MARCHF1: variants seen among roughly 807,000 people sequenced by gnomAD.
The protein encoded by MARCHF1 is membrane associated ring-CH-type finger 1, also known as E3 ubiquitin-protein ligase MARCHF1.
MARCHF1 carries 40 observed loss-of-function variants against 54.2 expected under a neutral mutation model. The ratio of observed to expected loss-of-function variants is 0.74; its 90% confidence interval spans 0.57 to 0.96. The LOEUF (loss-of-function observed/expected upper bound fraction) is 0.96. Among genes scored for constraint, MARCHF1 ranks in the 40% least tolerant of loss-of-function variants. MARCHF1 has a pLI of 0.00. For synonymous variants in MARCHF1, 236 were observed against 236.3 expected, an observed-to-expected ratio of 1.00 and a Z score of 0.01; for missense variants, 586 against 656.5, an observed-to-expected ratio of 0.89 and a Z score of 1.17.
chr4:164,156,171 G>A (rs758583090), intron 1 of MARCHF1, among the ~76,000 whole-genome samples: 7 of 152,104 alleles, frequency 4.6e-5, no homozygotes, highest in Non-Finnish European at 8.8e-5. Context: ...AACTTTTAGA[G>A]GTGAGGCCCC....
At chr4:164,364,720 C>A (rs376027730) in intron 1 of MARCHF1, among the ~76,000 whole-genome samples, 1 of 151,360 alleles carries the variant, frequency 6.6e-6, no homozygotes, top group Non-Finnish European at 1.5e-5. Flanking sequence ...AAAGACAATT[C>A]CTTCTTTTCT....
At chr4:163,665,131 A>T (rs1743485930) in intron 5 of MARCHF1, among the ~76,000 whole-genome samples, 1 of 152,208 alleles carries the variant, frequency 6.6e-6, no homozygotes, top group East Asian at 1.9e-4. Flanking sequence ...GATTCTAGCA[A>T]TTTCAGAACA....
chr4:163,866,762 T>A (rs1017284133), intron 3 of MARCHF1, among the ~76,000 whole-genome samples: 2 of 151,626 alleles, frequency 1.3e-5, no homozygotes, highest in Non-Finnish European at 3.0e-5. Flanking sequence ...GACCAATTCA[T>A]AGAACTCAGG....
intron 1 of MARCHF1, among the ~76,000 whole-genome samples, chr4:164,160,348 A>C (rs538685712): frequency 6.6e-6 from 1 of 152,238 alleles, no homozygotes; most frequent in Admixed American, 6.5e-5. Flanking sequence ...ACTCTACTGA[A>C]TGCTATAGGC....
At chr4:164,064,202 G>A (rs935805144) in intron 2 of MARCHF1, among the ~76,000 whole-genome samples, 2 of 152,314 alleles carry the variant, frequency 1.3e-5, no homozygotes, top group Admixed American at 6.5e-5. Flanking sequence ...TGTGAAGAAT[G>A]TCAATTGTAA....
chr4:163,613,545 G>A (rs765585521), intron 5 of MARCHF1, 152 bp from the exon 6 acceptor site: 2 of 1,549,912 alleles, frequency 1.3e-6, no homozygotes, highest in Non-Finnish European at 1.7e-6. Flanking sequence ...GAAGTTTGAG[G>A]TTGGTTTTGC....
intron 2 of MARCHF1, among the ~76,000 whole-genome samples, chr4:164,080,966 T>C (rs1755083502): frequency 6.6e-6 from 1 of 151,062 alleles, no homozygotes; most frequent in Non-Finnish European, 1.5e-5. Flanking sequence ...CCCAGCACTT[T>C]GGGAGGCCGA....
At chr4:164,091,234 T>G (rs527274430) in intron 2 of MARCHF1, among the ~76,000 whole-genome samples, 15 of 152,086 alleles carry the variant, frequency 9.9e-5, no homozygotes, top group South Asian at 2.1e-4. Flanking sequence ...TGTTGAATGA[T>G]ATCTTCTTGA....
chr4:163,713,819 GT>G (rs1745179751), intron 4 of MARCHF1, among the ~76,000 whole-genome samples: 1 of 152,188 alleles, frequency 6.6e-6, no homozygotes, highest in Non-Finnish European at 1.5e-5. Context: ...ACTTTCACCT[GT>G]ATGATACAAC....
rs188558379 is a variant in MARCHF1, at chr4:163,674,762, A to G, written c.162+26051T>C. Among the ~76,000 whole-genome samples the G allele has an allele frequency of 2.6e-5, 4 of 152,344 alleles. No homozygotes were observed. In the East Asian group the frequency reaches 7.7e-4, roughly 29 times the overall value. ...GACTTATAATTTAAATAAGTATAAT[A>G]TGTATATTTGTGCTTAGGCAGGAAA... On this transcript the variant is annotated intron_variant, in intron 5 of 9. Coordinates refer to ENST00000514618, the MANE Select transcript of MARCHF1 (RefSeq NM_001394959.1).
intron 5 of MARCHF1, among the ~76,000 whole-genome samples, chr4:163,700,355 A>C (rs1744769326): frequency 6.6e-6 from 1 of 151,976 alleles, no homozygotes; most frequent in African/African-American, 2.4e-5. Flanking sequence ...AAATACAAAA[A>C]TTAGCTGGGC....
At chr4:163,645,162 C>G (rs563991177) in intron 5 of MARCHF1, among the ~76,000 whole-genome samples, 2 of 152,248 alleles carry the variant, frequency 1.3e-5, no homozygotes, top group South Asian at 4.1e-4. Flanking sequence ...ATCCCAGTAC[C>G]AGCCCTACAG....
At chr4:164,152,299 TA>T (rs1210665735) in intron 1 of MARCHF1, among the ~76,000 whole-genome samples, 1 of 152,188 alleles carries the variant, frequency 6.6e-6, no homozygotes, top group African/African-American at 2.4e-5. Flanking sequence ...ATATATATTG[TA>T]TTTCATCATT....
At chr4:164,237,389 G>A (rs1732592958) in intron 1 of MARCHF1, among the ~76,000 whole-genome samples, 1 of 151,882 alleles carries the variant, frequency 6.6e-6, no homozygotes, top group Admixed American at 6.6e-5. Flanking sequence ...TGTTTGCTTG[G>A]CATTGCTCTA....
intron 1 of MARCHF1, among the ~76,000 whole-genome samples, chr4:164,242,052 G>GGGGCGCCCGCCAGCAGGGGGA: frequency 6.6e-6 from 1 of 152,348 alleles, no homozygotes; most frequent in South Asian, 2.1e-4. Flanking sequence ...GGCAGGGGGA[G>GGGGCGCCCGCCAGCAGGGGGA]GGGCGCCCGC....
chr4:164,095,821 C>A (rs1422251993), intron 2 of MARCHF1, among the ~76,000 whole-genome samples: 1 of 152,028 alleles, frequency 6.6e-6, no homozygotes, highest in East Asian at 1.9e-4. Flanking sequence ...CAAAAATAAT[C>A]AGTATCACTA....
At position 163,525,506 on chromosome 4, in the gene MARCHF1, A is replaced by T. The variant is rs542583727; in HGVS notation, c.*3242T>A. 3.3e-5 allele frequency: 5 copies of T among 152,246 alleles called. No individual in the cohort carries two copies. The highest frequency in any genetic ancestry group is 1.2e-4 in the African/African-American group (5 of 41,566). 9.4% of individuals were successfully genotyped at this position (152,246 alleles called of 1,614,324 possible). Reference sequence around the variant, plus strand: ...TCATTTTTATTTTGTTTTTGTACTTAAGCTTAATTGCCTTTTGGGCTTTAC... The same window carrying T: ...TCATTTTTATTTTGTTTTTGTACTTTAGCTTAATTGCCTTTTGGGCTTTAC... On this transcript the variant is annotated 3_prime_UTR_variant, in exon 10 of 10. Coordinates refer to ENST00000514618, the MANE Select transcript of MARCHF1 (RefSeq NM_001394959.1).
intron 1 of MARCHF1, among the ~76,000 whole-genome samples, chr4:164,153,827 A>G (rs1730007196): frequency 1.3e-5 from 2 of 152,180 alleles, no homozygotes; most frequent in Admixed American, 1.3e-4. Context: ...ATAAAAAACA[A>G]CATGTATGAT....
chr4:163,771,812 G>T (rs543012065), intron 4 of MARCHF1, among the ~76,000 whole-genome samples: 2 of 152,110 alleles, frequency 1.3e-5, no homozygotes, highest in Non-Finnish European at 2.9e-5. Flanking sequence ...TTTTCCTCAG[G>T]TTACATTTTC....
Sources: allele counts gnomAD v4.1 joint callset (sites outside exome capture counted in the v4.1 genomes callset), GRCh38; gene constraint gnomAD v4.1.1; transcripts MANE v1.5; gene names NCBI Gene and HGNC (gene_info 2026-07-23, HGNC 2026-07-21).